The following OTOGL variants were observed in gnomAD, a reference collection of about 807,000 sequenced individuals.
OTOGL encodes the protein otogelin-like protein.
In OTOGL, 285 loss-of-function variants were observed where a neutral mutation model predicts 318.5. That is an observed-to-expected ratio of 0.89 (90% CI 0.81 to 0.99). The LOEUF (loss-of-function observed/expected upper bound fraction) is 0.99, where lower values mean the gene tolerates loss of function less well. Among genes scored for constraint, OTOGL ranks in the 50% least tolerant of loss-of-function variants. OTOGL has a pLI of 0.00. For synonymous variants in OTOGL, 987 were observed against 936.5 expected (o/e 1.05, Z -0.99); for missense variants, 2,899 against 2,845.6 (o/e 1.02, Z -0.43).
chr12:80,355,455 C>T (rs1889827674), intron 46 of OTOGL, among the ~76,000 whole-genome samples: 1 of 151,940 alleles, frequency 6.6e-6, no homozygotes, highest in Non-Finnish European at 1.5e-5. Context: ...AACTCCTGGC[C>T]TGAAGCAGTC....
chr12:80,170,255 G>A (rs1442956589), intron 1 of OTOGL, among the ~76,000 whole-genome samples: 1 of 151,494 alleles, frequency 6.6e-6, no homozygotes, highest in East Asian at 1.9e-4. Context: ...GTGTGTGTAT[G>A]TGTGTTGTTT....
chr12:80,107,795 C>T (rs555910526), intron 1 of OTOGL, among the ~76,000 whole-genome samples: 8 of 152,188 alleles, frequency 5.3e-5, no homozygotes, highest in South Asian at 4.1e-4. Context: ...ATGACCTTTG[C>T]AGCAACATGA....
At chr12:80,264,604 C>CACAGGGTTGCCATA (rs1882798811) in intron 19 of OTOGL, among the ~76,000 whole-genome samples, 1 of 152,136 alleles carries the variant, frequency 6.6e-6, no homozygotes, top group African/African-American at 2.4e-5. Flanking sequence ...TTGTGTATTA[C>CACAGGGTTGCCATA]ACAGGGTTGC....
At chr12:80,313,845 T>G (rs1886808071) in intron 31 of OTOGL, among the ~76,000 whole-genome samples, 1 of 152,228 alleles carries the variant, frequency 6.6e-6, no homozygotes, top group Admixed American at 6.5e-5. Flanking sequence ...TTCTGTGTTT[T>G]ATTGCTGTCA....
intron 45 of OTOGL, 24 bp from the exon 46 acceptor site, chr12:80,353,301 A>G: frequency 7.4e-7 from 1 of 1,345,350 alleles, no homozygotes; most frequent in Non-Finnish European, 9.7e-7. Flanking sequence ...ATCATTAGCA[A>G]ATTTTGTCTC....
chr12:80,215,184 TGAGA>T (rs1347507095), intron 4 of OTOGL, among the ~76,000 whole-genome samples: 1 of 150,964 alleles, frequency 6.6e-6, no homozygotes, highest in African/African-American at 2.4e-5. Flanking sequence ...TTTTTTTTTT[TGAGA>T]GAGAGTTTTG....
intron 1 of OTOGL, among the ~76,000 whole-genome samples, chr12:80,175,140 G>C (rs990036824): frequency 3.3e-5 from 5 of 151,870 alleles, no homozygotes; most frequent in Admixed American, 6.6e-5. Context: ...TCATCTCTTC[G>C]CTAAATACAC....
intron 1 of OTOGL, among the ~76,000 whole-genome samples, chr12:80,167,642 C>G (rs1873909687): frequency 6.6e-6 from 1 of 151,938 alleles, no homozygotes; most frequent in Admixed American, 6.6e-5. Context: ...TTGAAAATGT[C>G]ATCATCTGAT....
chr12:80,242,910 C>T (rs1880505232), intron 11 of OTOGL, among the ~76,000 whole-genome samples: 1 of 152,124 alleles, frequency 6.6e-6, no homozygotes, highest in African/African-American at 2.4e-5. Context: ...TTGTGTGATA[C>T]TCCACCAATC....
At chr12:80,174,943 A>G (rs895105169) in intron 1 of OTOGL, among the ~76,000 whole-genome samples, 1 of 152,022 alleles carries the variant, frequency 6.6e-6, no homozygotes, top group Non-Finnish European at 1.5e-5. Context: ...ACAAACAAAA[A>G]AAAACTGAGT....
chr12:80,163,202 T>C (rs1176083845), intron 1 of OTOGL, among the ~76,000 whole-genome samples: 1 of 152,112 alleles, frequency 6.6e-6, no homozygotes, highest in African/African-American at 2.4e-5. Flanking sequence ...ATGCCCAACA[T>C]ACAGTTGTTC....
Position 80,275,666 on chromosome 12 carries a change from G to T in OTOGL, c.2682-2502G>T, listed in dbSNP as rs1883748520. Among the ~76,000 whole-genome samples, 9 of 151,744 alleles carry T rather than the reference G, an allele frequency of 5.9e-5. No homozygotes were observed. The South Asian group carries it at 1.9e-3, about 32-fold the overall frequency. Reference sequence around the variant, plus strand: ...CACTACAGAGAAATCTTTTGTGAAAGGGGGAGTCAATCAATGTGGCAAACT... The same window carrying T: ...CACTACAGAGAAATCTTTTGTGAAATGGGGAGTCAATCAATGTGGCAAACT... On this transcript the variant is annotated intron_variant, in intron 24 of 58. Coordinates refer to ENST00000547103, the MANE Select transcript of OTOGL (RefSeq NM_001378609.3).
At chr12:80,103,885 T>G (rs1869295751) in intron 1 of OTOGL, among the ~76,000 whole-genome samples, 1 of 152,240 alleles carries the variant, frequency 6.6e-6, no homozygotes, top group Non-Finnish European at 1.5e-5. Flanking sequence ...AACTGATAAC[T>G]TTTGCCTTGT....
intron 1 of OTOGL, among the ~76,000 whole-genome samples, chr12:80,126,593 C>T (rs1870855922): frequency 6.6e-6 from 1 of 152,060 alleles, no homozygotes; most frequent in African/African-American, 2.4e-5. Context: ...CCTGGGTATC[C>T]TTGTTAACTT....
At chr12:80,259,203 A>C (rs901178408) in intron 18 of OTOGL, among the ~76,000 whole-genome samples, 17 of 150,980 alleles carry the variant, frequency 1.1e-4, no homozygotes, top group African/African-American at 4.1e-4. Context: ...TATATATATA[A>C]ATGCTGAGGT....
At chr12:80,263,300 C>T (rs1460637782) in intron 19 of OTOGL, among the ~76,000 whole-genome samples, 1 of 152,044 alleles carries the variant, frequency 6.6e-6, no homozygotes, top group Admixed American at 6.6e-5. Context: ...TGGTTTGTTT[C>T]TTTCTTGGTT....
chr12:80,114,873 A>G (rs1398129955), intron 1 of OTOGL, among the ~76,000 whole-genome samples: 1 of 149,974 alleles, frequency 6.7e-6, no homozygotes, highest in Non-Finnish European at 1.5e-5. Flanking sequence ...TTGATCTTCA[A>G]TCTCTTATAT....
chr12:80,124,642 T>G (rs1254346970), intron 1 of OTOGL, among the ~76,000 whole-genome samples: 1 of 152,254 alleles, frequency 6.6e-6, no homozygotes, highest in Non-Finnish European at 1.5e-5. Context: ...ACGGCCATTT[T>G]CATGATATTG....
At chr12:80,214,836 T>C (rs182056519) in intron 4 of OTOGL, among the ~76,000 whole-genome samples, 1 of 152,206 alleles carries the variant, frequency 6.6e-6, no homozygotes, top group Admixed American at 6.5e-5. Context: ...ATTATTTATA[T>C]GACATAAAAA....
Sources: allele counts gnomAD v4.1 joint callset (sites outside exome capture counted in the v4.1 genomes callset), GRCh38; gene constraint gnomAD v4.1.1; transcripts MANE v1.5; gene names NCBI Gene and HGNC (gene_info 2026-07-23, HGNC 2026-07-21).